Variants in RALYL observed in about 807,000 individuals in gnomAD.
RALYL encodes the protein RALY RNA binding protein like.
A neutral mutation model predicts 35.1 loss-of-function variants in RALYL; 29 were observed. The observed-to-expected ratio is 0.83, with a 90% confidence interval of 0.61 to 1.13. The LOEUF (loss-of-function observed/expected upper bound fraction) is 1.13, where lower values mean the gene tolerates loss of function less well. RALYL is among the 50% of genes most tolerant of loss of function. RALYL has a pLI of 0.00. For synonymous variants in RALYL, 120 were observed against 127.6 expected (o/e 0.94, Z 0.40); for missense variants, 359 against 360.4 (o/e 1.00, Z 0.03).
chr8:84,211,153 A>G (rs10113234), intron 1 of RALYL, among the ~76,000 whole-genome samples: 35,641 of 151,894 alleles, frequency 0.23, 4,290 homozygotes, highest in Non-Finnish European at 0.27. Context: ...TCACTTGCTC[A>G]TATCTGTCAT....
At chr8:84,695,407 G>A (rs551327006) in intron 2 of RALYL, among the ~76,000 whole-genome samples, 1 of 151,696 alleles carries the variant, frequency 6.6e-6, no homozygotes, top group African/African-American at 2.4e-5. Flanking sequence ...CATATTACAG[G>A]GTTTTCTATC....
intron 2 of RALYL, among the ~76,000 whole-genome samples, chr8:84,771,632 A>G (rs1815553609): frequency 1.3e-5 from 2 of 151,998 alleles, no homozygotes; most frequent in African/African-American, 2.4e-5. Flanking sequence ...ATTTCCCACT[A>G]CTAATGAGGT....
chr8:84,422,862 A>C (rs1392884810), intron 1 of RALYL, among the ~76,000 whole-genome samples: 1 of 149,070 alleles, frequency 6.7e-6, no homozygotes, highest in African/African-American at 2.5e-5. Flanking sequence ...AGCGGCTTTG[A>C]GTGGGATTCT....
At chr8:84,442,746 T>C (rs554976444) in intron 1 of RALYL, among the ~76,000 whole-genome samples, 1 of 152,168 alleles carries the variant, frequency 6.6e-6, no homozygotes, top group South Asian at 2.1e-4. Context: ...ATTGGAAAGA[T>C]CAAAGCAGGG....
chr8:84,549,288 C>T (rs1465113922), intron 2 of RALYL, among the ~76,000 whole-genome samples: 1 of 152,186 alleles, frequency 6.6e-6, no homozygotes, highest in African/African-American at 2.4e-5. Context: ...TAATCACTTA[C>T]TGTGATAGTG....
intron 3 of RALYL, among the ~76,000 whole-genome samples, chr8:84,780,011 A>G (rs768275469): frequency 1.4e-4 from 22 of 152,244 alleles, no homozygotes; most frequent in Non-Finnish European, 2.8e-4. Flanking sequence ...TTGCTGAGAA[A>G]TGTTTACCAA....
intron 2 of RALYL, among the ~76,000 whole-genome samples, chr8:84,753,138 T>C (rs140585724): frequency 8.9e-4 from 135 of 152,270 alleles, no homozygotes; most frequent in African/African-American, 3.1e-3. Context: ...ATGTGGGACA[T>C]GGAGTCAAAG....
At chr8:84,535,445 T>TC (rs2059534323) in intron 2 of RALYL, among the ~76,000 whole-genome samples, 1 of 150,558 alleles carries the variant, frequency 6.6e-6, no homozygotes. Context: ...TGCCTTTTTT[T>TC]TTTTTTTTGA....
chr8:84,567,539 T>A (rs952022462), intron 2 of RALYL, among the ~76,000 whole-genome samples: 1 of 151,858 alleles, frequency 6.6e-6, no homozygotes. Flanking sequence ...CAATTTCATT[T>A]TTTATGGCTA....
intron 1 of RALYL, among the ~76,000 whole-genome samples, chr8:84,353,304 T>C (rs1031444182): frequency 1.3e-5 from 2 of 150,258 alleles, no homozygotes; most frequent in Admixed American, 1.3e-4. Context: ...TCATTCACTG[T>C]ACTGTCTTGG....
At chr8:84,390,008 G>A (rs1334053857) in intron 1 of RALYL, among the ~76,000 whole-genome samples, 4 of 151,958 alleles carry the variant, frequency 2.6e-5, no homozygotes, top group East Asian at 1.9e-4. Flanking sequence ...ATTATTTTGA[G>A]ATACGTCCCA....
In RALYL at chr8:84,824,271, A is replaced by AT. The variant is rs201361425; in HGVS notation, c.365+19469_365+19470insT. ...CCATTTACAATAGCTGCAAAAAAAA[A>AT]AATAAGTCAGTAAACAAAGGAATAC... On this transcript the variant is annotated intron_variant, in intron 4 of 8. Transcript: ENST00000521268. 2.0e-3 allele frequency among the ~76,000 whole-genome samples: 309 copies of AT among 151,998 alleles called. 2 individuals are homozygous for AT. The highest frequency in any genetic ancestry group is 7.0e-3 in the African/African-American group (290 of 41,480).
At chr8:84,496,495 C>T (rs1444797693) in intron 1 of RALYL, among the ~76,000 whole-genome samples, 1 of 152,062 alleles carries the variant, frequency 6.6e-6, no homozygotes. Context: ...GATCATCTCA[C>T]AACCATGGCA....
intron 1 of RALYL, among the ~76,000 whole-genome samples, chr8:84,437,087 A>G (rs146990357): frequency 9.1e-4 from 139 of 152,112 alleles, no homozygotes; most frequent in African/African-American, 3.2e-3. Context: ...TGTGTGTCCA[A>G]TGTTTAGCTC....
chr8:84,204,082 A>G (rs1027313290), intron 1 of RALYL, among the ~76,000 whole-genome samples: 3 of 152,078 alleles, frequency 2.0e-5, no homozygotes, highest in Non-Finnish European at 4.4e-5. Flanking sequence ...TAAATTGCCT[A>G]AATTTCAAAG....
chr8:84,419,600 G>C (rs1443328204), intron 1 of RALYL, among the ~76,000 whole-genome samples: 3 of 150,778 alleles, frequency 2.0e-5, no homozygotes, highest in East Asian at 3.9e-4. Flanking sequence ...CATTGTGCAG[G>C]TTAGTTACAT....
intron 1 of RALYL, among the ~76,000 whole-genome samples, chr8:84,475,660 CA>C (rs1327416970): frequency 6.6e-6 from 1 of 151,952 alleles, no homozygotes; most frequent in East Asian, 1.9e-4. Context: ...GTAGATTAAA[CA>C]ATTAGTGTTT....
chr8:84,606,238 C>T (rs1197798999), intron 2 of RALYL, among the ~76,000 whole-genome samples: 1 of 152,156 alleles, frequency 6.6e-6, no homozygotes, highest in Non-Finnish European at 1.5e-5. Flanking sequence ...TTTGACAAAG[C>T]TTTCTCTGAT....
chr8:84,263,330 T>A (rs1246733514), intron 1 of RALYL, among the ~76,000 whole-genome samples: 4 of 152,188 alleles, frequency 2.6e-5, no homozygotes, highest in Non-Finnish European at 5.9e-5. Context: ...GACAGAAAAC[T>A]TCCCATGTGT....
Sources: gnomAD v4.1 joint callset for allele counts (sites outside exome capture counted in the v4.1 genomes callset) on GRCh38, gnomAD v4.1.1 for gene constraint, MANE v1.5 for transcripts, NCBI Gene and HGNC (gene_info 2026-07-23, HGNC 2026-07-21) for gene names.